Variants in MLEC observed in about 807,000 individuals in gnomAD.
MLEC encodes the protein oligosaccharyltransferase complex subunit (non-catalytic).
In MLEC, 7 loss-of-function variants were observed where a neutral mutation model predicts 28.7. That is an observed-to-expected ratio of 0.24 (90% confidence interval 0.14 to 0.46). The LOEUF (loss-of-function observed/expected upper bound fraction) is 0.46. Among genes scored for constraint, MLEC ranks in the 20% least tolerant of loss-of-function variants. The pLI is 0.99. For synonymous variants in MLEC, 142 were observed against 164.4 expected (o/e 0.86, Z 1.04); for missense variants, 237 against 391.1 (o/e 0.61, Z 3.32).
At position 120,696,817 on chromosome 12, in the gene MLEC, T is replaced by G; in HGVS notation, c.*272T>G. The stretch of plus-strand genomic sequence containing the variant: ...AGGATACTTAGGGTAAACTGGATCC[T>G]TCCTGCTCAAGGATCCTCATTTGTA... On this transcript the variant is annotated 3_prime_UTR_variant, in exon 5 of 5. Coordinates refer to ENST00000228506, the MANE Select transcript of MLEC (RefSeq NM_014730.4). The surrounding 1 kb of genome is among the most constrained non-coding windows in gnomAD (Gnocchi z 5.4). 2 of 467,832 alleles carry G rather than the reference T, an allele frequency of 4.3e-6. No homozygotes were observed. The highest frequency in any genetic ancestry group is 5.9e-4 in the Middle Eastern group (1 of 1,686). The allele number at this position is 467,832 out of a possible 1,614,324, so 29.0% of individuals were successfully genotyped here.
At chr12:120,692,615 T>A (rs1400213051) in intron 1 of MLEC, among the ~76,000 whole-genome samples, 2 of 151,396 alleles carry the variant, frequency 1.3e-5, no homozygotes, top group Non-Finnish European at 2.9e-5. Flanking sequence ...ATCTTTTACC[T>A]TTTGCCATGT....
At chr12:120,688,146 A>C (rs1454054797) in intron 1 of MLEC, among the ~76,000 whole-genome samples, 1 of 152,184 alleles carries the variant, frequency 6.6e-6, no homozygotes, top group Non-Finnish European at 1.5e-5. Context: ...GCTGTGTGTG[A>C]ACTGGGTCAA....
At chr12:120,691,712 AGC>A (rs1882043256) in intron 1 of MLEC, among the ~76,000 whole-genome samples, 1 of 152,246 alleles carries the variant, frequency 6.6e-6, no homozygotes, top group South Asian at 2.1e-4. Flanking sequence ...CTCTTGGGAA[AGC>A]CACTTGGGTT....
At chr12:120,695,491 T>G (rs190011256) in intron 4 of MLEC, among the ~76,000 whole-genome samples, 20 of 152,096 alleles carry the variant, frequency 1.3e-4, no homozygotes, top group African/African-American at 4.1e-4. Context: ...ATTCTGTTTG[T>G]TTGACATCTC....
chr12:120,693,903 C>T (rs1166504671), intron 1 of MLEC, 188 bp from the exon 2 acceptor site: 2 of 536,394 alleles, frequency 3.7e-6, no homozygotes, highest in East Asian at 6.0e-5. Flanking sequence ...TTTTACTCTT[C>T]CATAGTAATG....
Position 120,687,618 on chromosome 12 carries a change from C to A in MLEC, c.235+87C>A, listed in dbSNP as rs1160022074. The A allele has an allele frequency of 1.9e-6, 2 of 1,079,138 alleles. No homozygotes were observed. Among genetic ancestry groups the A allele is most frequent in the Non-Finnish European group, 2.5e-6 (2 of 793,710 alleles). The allele number at this position is 1,079,138 out of a possible 1,614,324, so 66.8% of individuals were successfully genotyped here. On this transcript the variant is annotated intron_variant, in intron 1 of 4. Coordinates refer to ENST00000228506, the MANE Select transcript of MLEC (RefSeq NM_014730.4). The surrounding 1 kb of genome is among the most constrained non-coding windows in gnomAD (Gnocchi z 8.1). ...GGGGCTGCGGGCCCCGAGCCCCTTT[C>A]GACCCTGGGGCCGCGTCTCTGGAGC... is the stretch of plus-strand genomic sequence containing the variant.
Position 120,696,298 on chromosome 12 carries a change from T to G in MLEC, c.650-18T>G, listed in dbSNP as rs1040943523. 1 of 1,613,454 alleles carries G rather than the reference T, an allele frequency of 6.2e-7. No individual in the cohort carries two copies. Among genetic ancestry groups the G allele is most frequent in the Non-Finnish European group, 8.5e-7 (1 of 1,179,814 alleles). On this transcript the variant is annotated intron_variant, in intron 4 of 4. Transcript: ENST00000228506. The surrounding 1 kb of genome is among the most constrained non-coding windows in gnomAD (Gnocchi z 5.4). ...TTAAATGCTGTGGGTCTTAACAGTG[T>G]TTTCTTCCTTGTGTTAGATGTACCA...
At chr12:120,689,583 G>A (rs1316302289) in intron 1 of MLEC, among the ~76,000 whole-genome samples, 3 of 152,312 alleles carry the variant, frequency 2.0e-5, no homozygotes, top group East Asian at 1.9e-4. Flanking sequence ...GCTTTAGGTC[G>A]GGCTGAGATG....
rs1335236781 is a variant in MLEC at position 120,700,367 on chromosome 12, T to C, written c.*3822T>C. 1 of 152,642 alleles carries C rather than the reference T, an allele frequency of 6.6e-6. No individual in the cohort carries two copies. The highest frequency in any genetic ancestry group is 1.5e-5 in the Non-Finnish European group (1 of 68,060). The allele number at this position is 152,642 out of a possible 1,614,324, so 9.5% of individuals were successfully genotyped here. On this transcript the variant is annotated 3_prime_UTR_variant, in exon 5 of 5. Coordinates refer to ENST00000228506, the MANE Select transcript of MLEC (RefSeq NM_014730.4). The surrounding 1 kb of genome is among the most constrained non-coding windows in gnomAD (Gnocchi z 4.0). ...TCCTTAGTGGCATCAAATGGCAACA[T>C]GGAATATTGTCCTCCATGCCCCTCC...
At chr12:120,691,226 T>C (rs1280943042) in intron 1 of MLEC, among the ~76,000 whole-genome samples, 1 of 152,268 alleles carries the variant, frequency 6.6e-6, no homozygotes, top group Non-Finnish European at 1.5e-5. Flanking sequence ...GGCATTTGTT[T>C]AGTGCTTATC....
Position 120,694,406 on chromosome 12 carries a change from T to A in MLEC, c.414+137T>A. The A allele has an allele frequency of 1.2e-6, 1 of 859,196 alleles. No homozygotes were observed. Among genetic ancestry groups the A allele is most frequent in the East Asian group, 2.6e-5 (1 of 38,730 alleles). The allele number at this position is 859,196 out of a possible 1,614,324, so 53.2% of individuals were successfully genotyped here. ...AGCTCTAGAGAAGCATGTTCCATAG[T>A]GCACAAGGCTGCACTTGCCTTGGGG... On this transcript the variant is annotated intron_variant, in intron 2 of 4. Coordinates refer to ENST00000228506, the MANE Select transcript of MLEC (RefSeq NM_014730.4). The surrounding 1 kb of genome is among the most constrained non-coding windows in gnomAD (Gnocchi z 4.5).
chr12:120,691,207 T>A (rs985589788), intron 1 of MLEC, among the ~76,000 whole-genome samples: 1 of 152,252 alleles, frequency 6.6e-6, no homozygotes, highest in Admixed American at 6.5e-5. Flanking sequence ...CTAAACTGCC[T>A]TGAGTGGAGG....
rs770986379 is a variant in MLEC, at chr12:120,687,455, C to T, written c.159C>T (p.Asn53=). ...CCGAGAGCGTCATTTGGGCGGTCAA[C>T]GCGGGTGGAGAGGCGCATGTGGACG... ...GLPESVIWAV[N]AGGEAHVDVH... The change falls in exon 1 of 5, where the codon AAC becomes AAT. Residue 53 remains asparagine (N), a synonymous_variant. Coordinates refer to ENST00000228506, the MANE Select transcript of MLEC (RefSeq NM_014730.4). This position sits in a 1 kb window ranked among gnomAD's most constrained non-coding sequence, Gnocchi z 8.1. The T allele has an allele frequency of 1.4e-6, 2 of 1,414,204 alleles. No individual in the cohort carries two copies. Among genetic ancestry groups the T allele is most frequent in the Non-Finnish European group, 1.8e-6 (2 of 1,081,784 alleles). The allele number at this position is 1,414,204 out of a possible 1,614,324, so 87.6% of individuals were successfully genotyped here. A position where few individuals can be genotyped will look rare whatever the true frequency, so the allele number is the denominator to read the frequency against.
Position 120,696,318 on chromosome 12 carries a change from G to A in MLEC, c.652G>A (p.Val218Ile). The A allele has an allele frequency of 1.2e-6, 2 of 1,614,028 alleles. No homozygotes were observed. The highest frequency in any genetic ancestry group is 1.7e-6 in the Non-Finnish European group (2 of 1,180,002). Residue 218 changes from valine to isoleucine, a missense_variant and splice_region_variant, in exon 5 of 5, where the codon GTA becomes ATA. Coordinates refer to ENST00000228506, the MANE Select transcript of MLEC (RefSeq NM_014730.4). This position sits in a 1 kb window ranked among gnomAD's most constrained non-coding sequence, Gnocchi z 5.4. ...CAGTGTTTTCTTCCTTGTGTTAGAT[G>A]TACCAAAGCTTCAGCCTCATCCGGG... ...LYIMAGTVDD[V>I]PKLQPHPGLE...
At chr12:120,693,793 C>T (rs929728999) in intron 1 of MLEC, among the ~76,000 whole-genome samples, 23 of 152,182 alleles carry the variant, frequency 1.5e-4, no homozygotes, top group African/African-American at 2.4e-4. Context: ...ACTTGTTCTC[C>T]GTACAGTCAG....
chr12:120,698,814 C>G lies in MLEC; in HGVS notation c.*2269C>G. ...GTAAGCCAAGCAGCTTTGCTTCTGC[C>G]TCTGTTTCCAAGCCCACCCTTTTCC... On this transcript the variant is annotated 3_prime_UTR_variant, in exon 5 of 5. Transcript: ENST00000228506. The G allele has an allele frequency of 6.5e-6, 1 of 152,802 alleles. No individual in the cohort carries two copies. Among genetic ancestry groups the G allele is most frequent in the Admixed American group, 6.5e-5 (1 of 15,298 alleles). 9.5% of individuals were successfully genotyped at this position (152,802 alleles called of 1,614,324 possible). A position where few individuals can be genotyped will look rare whatever the true frequency, so the allele number is the denominator to read the frequency against.
chr12:120,689,634 GAGTC>G (rs1241593442), intron 1 of MLEC, among the ~76,000 whole-genome samples: 1 of 152,212 alleles, frequency 6.6e-6, no homozygotes, highest in Non-Finnish European at 1.5e-5. Context: ...CTCTACTAAG[GAGTC>G]AGTCCTACCA....
chr12:120,692,695 T>G (rs1411100416), intron 1 of MLEC, among the ~76,000 whole-genome samples: 1 of 149,772 alleles, frequency 6.7e-6, no homozygotes, highest in African/African-American at 2.5e-5. Context: ...TCCCAAAGGA[T>G]CTAGTTGCCA....
chr12:120,692,374 A>G (rs1198465256), intron 1 of MLEC, among the ~76,000 whole-genome samples: 1 of 152,172 alleles, frequency 6.6e-6, no homozygotes, highest in African/African-American at 2.4e-5. Flanking sequence ...GAGGCTGGAA[A>G]GGAGGGGGAG....
Sources: allele counts gnomAD v4.1 joint callset (sites outside exome capture counted in the v4.1 genomes callset), GRCh38; gene constraint gnomAD v4.1.1; non-coding constraint Gnocchi (gnomAD v3.1); transcripts MANE v1.5; gene names NCBI Gene and HGNC (gene_info 2026-07-23, HGNC 2026-07-21).